The following TBPL1 variants were observed in gnomAD, a reference collection of about 807,000 sequenced individuals.
TBPL1 encodes the protein TATA box-binding protein-like 1.
In TBPL1, 4 loss-of-function variants were observed where a neutral mutation model predicts 22.1. The ratio of observed to expected loss-of-function variants is 0.18; its 90% confidence interval spans 0.09 to 0.41. The LOEUF (loss-of-function observed/expected upper bound fraction) is 0.41, where lower values mean the gene tolerates loss of function less well. Ranked by LOEUF, TBPL1 falls within the 10% of genes least tolerant of loss-of-function variation. The pLI is 1.00. For synonymous variants in TBPL1, 64 were observed against 71.0 expected (o/e 0.90, Z 0.50); for missense variants, 115 against 222.3 (o/e 0.52, Z 3.07).
At chr6:133,971,965 G>A (rs1031838831) in intron 1 of TBPL1, among the ~76,000 whole-genome samples, 7 of 152,010 alleles carry the variant, frequency 4.6e-5, no homozygotes, top group African/African-American at 1.4e-4. Context: ...TCTAATAATC[G>A]TTAAAAGGTA....
chr6:133,985,293 AAAAAATATATATATATATAT>A (rs1276220970), intron 6 of TBPL1, among the ~76,000 whole-genome samples: 3 of 67,136 alleles, frequency 4.5e-5, no homozygotes, highest in African/African-American at 2.0e-4. Flanking sequence ...AAAAAAAAAA[AAAAAATATATATATATATAT>A]ATATATATAT....
At chr6:133,978,363 T>G (rs1417694489) in intron 1 of TBPL1, among the ~76,000 whole-genome samples, 2 of 152,212 alleles carry the variant, frequency 1.3e-5, no homozygotes, top group Admixed American at 6.5e-5. Flanking sequence ...GTAGGCATGG[T>G]CTATTCCATG....
intron 3 of TBPL1, 25 bp downstream of exon 3, chr6:133,982,675 T>C (rs762263978): frequency 1.2e-6 from 2 of 1,601,810 alleles, no homozygotes; most frequent in African/African-American, 2.7e-5. Context: ...GGTTTTTTGT[T>C]TTTATTTTTT....
chr6:133,968,872 G>C (rs1776169485), intron 1 of TBPL1: 1 of 152,168 alleles, frequency 6.6e-6, no homozygotes, highest in Non-Finnish European at 1.5e-5. Flanking sequence ...GTTTCACCAG[G>C]CTGGTCTCCA....
chr6:133,962,191 T>C (rs1377943840), intron 1 of TBPL1, among the ~76,000 whole-genome samples: 6 of 152,226 alleles, frequency 3.9e-5, no homozygotes, highest in Admixed American at 3.3e-4. Flanking sequence ...GGGTGGGAAG[T>C]CCACTGCATT....
chr6:133,970,431 G>T (rs1194500223), intron 1 of TBPL1, among the ~76,000 whole-genome samples: 5 of 152,180 alleles, frequency 3.3e-5, no homozygotes, highest in African/African-American at 9.6e-5. Context: ...ATATGTGTTT[G>T]TTTAAGTAAT....
intron 1 of TBPL1, among the ~76,000 whole-genome samples, chr6:133,971,678 T>C (rs1269125694): frequency 1.3e-5 from 2 of 152,186 alleles, no homozygotes; most frequent in African/African-American, 4.8e-5. Flanking sequence ...ATTTTCCTTA[T>C]GATACGTGAT....
chr6:133,988,391 G>C lies in TBPL1; in HGVS notation c.*1351G>C, dbSNP rs771476337. The C allele has an allele frequency of 7.9e-5, 12 of 152,162 alleles. No individual in the cohort carries two copies. The highest frequency in any genetic ancestry group is 1.6e-4 in the Non-Finnish European group (11 of 68,012). The allele number at this position is 152,162 out of a possible 1,614,324, so 9.4% of individuals were successfully genotyped here. On this transcript the variant is annotated 3_prime_UTR_variant, in exon 7 of 7. Coordinates refer to ENST00000237264, the MANE Select transcript of TBPL1 (RefSeq NM_004865.4). Reference sequence around the variant, plus strand: ...TGATTATACCTAGAAATAAAGCTGAGTGGAGAGTCCAATTAGCTTCTCAGG... The same window carrying C: ...TGATTATACCTAGAAATAAAGCTGACTGGAGAGTCCAATTAGCTTCTCAGG...
intron 2 of TBPL1, among the ~76,000 whole-genome samples, chr6:133,981,100 G>A (rs560868463): frequency 6.7e-6 from 1 of 150,358 alleles, no homozygotes; most frequent in Non-Finnish European, 1.5e-5. Context: ...AGCCTCCCAA[G>A]TAGCTAGGAT....
chr6:133,967,645 G>A (rs946099784), intron 1 of TBPL1, among the ~76,000 whole-genome samples: 3 of 152,144 alleles, frequency 2.0e-5, no homozygotes, highest in Non-Finnish European at 4.4e-5. Context: ...GAGTACTGTA[G>A]GCAGTTGTAA....
At position 133,984,225 on chromosome 6, in the gene TBPL1, T is replaced by C. The variant is rs1365560185; in HGVS notation, c.283-151T>C. 3 of 537,154 alleles carry C rather than the reference T, an allele frequency of 5.6e-6. No homozygotes were observed. The African/African-American group carries it at 5.7e-5, about 10-fold the overall frequency. The allele number at this position is 537,154 out of a possible 1,614,324, so 33.3% of individuals were successfully genotyped here. On this transcript the variant is annotated intron_variant, in intron 4 of 6. Transcript: ENST00000237264. ...TTTTTAAAAAACTGAATTAAAGCTTTCCATGCTACACAACTTACAGTACTA... is the reference window on the plus strand; with the variant it reads ...TTTTTAAAAAACTGAATTAAAGCTTCCCATGCTACACAACTTACAGTACTA...
At chr6:133,973,466 G>A (rs1583820514) in intron 1 of TBPL1, among the ~76,000 whole-genome samples, 1 of 152,028 alleles carries the variant, frequency 6.6e-6, no homozygotes, top group African/African-American at 2.4e-5. Context: ...TTTTTGCTTC[G>A]TTTTTATGAC....
Position 133,990,012 on chromosome 6 carries a change from TAGTA to T in TBPL1, c.*2975_*2978del, listed in dbSNP as rs1412436024. On this transcript the variant is annotated 3_prime_UTR_variant, in exon 7 of 7. Transcript: ENST00000237264. ...ATTTTCTATCATACCCAAATTTTAT[TAGTA>T]AGACCTCTTAACAAGTCTTTAAAAT... 7 of 152,488 alleles carry T rather than the reference TAGTA, an allele frequency of 4.6e-5. No individual in the cohort carries two copies. The highest frequency in any genetic ancestry group is 8.8e-5 in the Non-Finnish European group (6 of 68,038). The allele number at this position is 152,488 out of a possible 1,614,324, so 9.4% of individuals were successfully genotyped here. A position where few individuals can be genotyped will look rare whatever the true frequency, so the allele number is the denominator to read the frequency against.
At chr6:133,960,721 CT>C (rs1282630467) in intron 1 of TBPL1, among the ~76,000 whole-genome samples, 2 of 152,124 alleles carry the variant, frequency 1.3e-5, no homozygotes, top group African/African-American at 4.8e-5. Flanking sequence ...CCCTGTTTAA[CT>C]TTAACTGAAT....
Position 133,970,665 on chromosome 6 carries a change from G to A in TBPL1, c.-44-9417G>A, listed in dbSNP as rs143777166. 7.7e-4 allele frequency among the ~76,000 whole-genome samples: 116 copies of A among 151,078 alleles called. 1 individual carries two copies. The highest frequency in any genetic ancestry group is 2.7e-3 in the African/African-American group (111 of 41,100). Reference sequence around the variant, plus strand: ...ACTCTGTCACCCAGGCTGGAATGCCGTGGTGCCATGATAGCTCATTGCAGC... The same window carrying A: ...ACTCTGTCACCCAGGCTGGAATGCCATGGTGCCATGATAGCTCATTGCAGC... On this transcript the variant is annotated intron_variant, in intron 1 of 6. Transcript: ENST00000237264.
At chr6:133,968,149 C>T in intron 1 of TBPL1, among the ~76,000 whole-genome samples, 1 of 151,828 alleles carries the variant, frequency 6.6e-6, no homozygotes, top group Admixed American at 6.6e-5. Context: ...CCACCACGCC[C>T]AGCTAATTTT....
At chr6:133,956,047 C>T (rs1348849146) in intron 1 of TBPL1, among the ~76,000 whole-genome samples, 3 of 152,092 alleles carry the variant, frequency 2.0e-5, no homozygotes, top group African/African-American at 7.2e-5. Context: ...TCAGAAAATA[C>T]TGTATAATCT....
At chr6:133,952,885 T>C (rs1775856890), upstream of TBPL1, among the ~76,000 whole-genome samples, 1 of 152,070 alleles carries the variant, frequency 6.6e-6, no homozygotes, top group Non-Finnish European at 1.5e-5. The surrounding 1 kb of genome is among the most constrained non-coding windows in gnomAD (Gnocchi z 4.5). Flanking sequence ...AGATATCAAC[T>C]AAAAATATAC....
At chr6:133,960,675 C>G (rs1398640469) in intron 1 of TBPL1, among the ~76,000 whole-genome samples, 2 of 152,180 alleles carry the variant, frequency 1.3e-5, no homozygotes, top group East Asian at 3.9e-4. Context: ...TTTGCTGTCT[C>G]TTTGGGTATA....
Sources: allele counts gnomAD v4.1 joint callset (sites outside exome capture counted in the v4.1 genomes callset), GRCh38; gene constraint gnomAD v4.1.1; non-coding constraint Gnocchi (gnomAD v3.1); transcripts MANE v1.5; gene names NCBI Gene and HGNC (gene_info 2026-07-23, HGNC 2026-07-21).